MAGED1: variants seen among roughly 807,000 people sequenced by gnomAD.
MAGED1 encodes melanoma-associated antigen D1.
A neutral mutation model predicts 54.1 loss-of-function variants in MAGED1; 3 were observed. That is an observed-to-expected ratio of 0.06 (90% CI 0.03 to 0.14). The LOEUF is 0.14. Ranked by LOEUF, MAGED1 falls within the 10% of genes least tolerant of loss-of-function variation. MAGED1 has a pLI of 1.00. For missense variants in MAGED1, 485 were observed against 623.4 expected (o/e 0.78, Z 2.36); for synonymous variants, 217 against 227.3 (o/e 0.95, Z 0.41).
chrX:51,808,747 T>C (rs1925115332), intron 1 of MAGED1, among the ~76,000 whole-genome samples: 1 of 111,719 alleles, frequency 9.0e-6, no homozygotes, highest in Non-Finnish European at 1.9e-5. Flanking sequence ...ATGTATCCAT[T>C]CCCCAGCTTC....
At chrX:51,855,714 C>T (rs1444613019) in intron 1 of MAGED1, among the ~76,000 whole-genome samples, 2 of 111,128 alleles carry the variant, frequency 1.8e-5, no homozygotes, top group African/African-American at 6.6e-5. Context: ...TTAGTAGAGA[C>T]GGGTTTTCAC....
intron 1 of MAGED1, among the ~76,000 whole-genome samples, chrX:51,804,833 CT>C (rs781828902): frequency 1.1e-3 from 128 of 111,825 alleles, no homozygotes; most frequent in Non-Finnish European, 2.3e-3. Flanking sequence ...GAGCAGGAAC[CT>C]GAAGGAACTG....
chrX:51,901,067 CA>C (rs1929000379), intron 11 of MAGED1, among the ~76,000 whole-genome samples: 1 of 112,494 alleles, frequency 8.9e-6, no homozygotes, highest in South Asian at 3.7e-4. Context: ...ATATACTTGA[CA>C]TTTTTTTTGT....
intron 1 of MAGED1, among the ~76,000 whole-genome samples, chrX:51,850,330 A>C (rs1451512489): frequency 2.7e-5 from 3 of 112,279 alleles, no homozygotes; most frequent in African/African-American, 9.7e-5. Context: ...GTATTTGGAA[A>C]TTCCAACAGA....
chrX:51,857,869 G>A (rs1927144262), intron 1 of MAGED1: 1 of 112,226 alleles, frequency 8.9e-6, no homozygotes, highest in Admixed American at 9.5e-5. Flanking sequence ...CAGGATATCA[G>A]CCTTATTTGA....
At chrX:51,877,081 A>T (rs936552043) in intron 1 of MAGED1, among the ~76,000 whole-genome samples, 4 of 109,844 alleles carry the variant, frequency 3.6e-5, no homozygotes, top group Non-Finnish European at 5.7e-5. Flanking sequence ...CATCCTCAGC[A>T]TTTTTTTTAA....
At chrX:51,827,323 A>G (rs1925886663) in intron 1 of MAGED1, among the ~76,000 whole-genome samples, 1 of 111,965 alleles carries the variant, frequency 8.9e-6, no homozygotes, top group South Asian at 3.7e-4. Flanking sequence ...AGTATTTGAC[A>G]TTCTGGAAAA....
chrX:51,836,353 T>C (rs1193793664), intron 1 of MAGED1, among the ~76,000 whole-genome samples: 1 of 111,328 alleles, frequency 9.0e-6, no homozygotes, highest in Non-Finnish European at 1.9e-5. Flanking sequence ...GTGATAAAAC[T>C]ACATGGAAAC....
chrX:51,858,355 T>G (rs1403046972), intron 1 of MAGED1, among the ~76,000 whole-genome samples: 2 of 111,954 alleles, frequency 1.8e-5, no homozygotes, highest in African/African-American at 6.5e-5. Flanking sequence ...ATTAAGAAAT[T>G]CCTTCAGAAA....
intron 1 of MAGED1, among the ~76,000 whole-genome samples, chrX:51,825,377 G>A (rs782539765): frequency 3.6e-5 from 4 of 112,146 alleles, no homozygotes; most frequent in Admixed American, 9.5e-5. Flanking sequence ...TCACTTGGCC[G>A]TATTTGTGAT....
chrX:51,818,872 G>T (rs1557356285), intron 1 of MAGED1, among the ~76,000 whole-genome samples: 2 of 111,723 alleles, frequency 1.8e-5, no homozygotes, highest in East Asian at 5.7e-4. Context: ...CAAACATAAG[G>T]TCTCACCAAG....
chrX:51,814,480 C>T (rs1477122998), intron 1 of MAGED1, among the ~76,000 whole-genome samples: 1 of 111,522 alleles, frequency 9.0e-6, no homozygotes, highest in Admixed American at 9.5e-5. Context: ...TTGGGGAGGC[C>T]CCTTACAGTG....
chrX:51,857,660 G>A (rs1927135804), intron 1 of MAGED1: 1 of 112,183 alleles, frequency 8.9e-6, no homozygotes, highest in African/African-American at 3.2e-5. Context: ...TGTCATCAAA[G>A]ATAATCTTTT....
At chrX:51,873,142 G>A (rs896044759) in intron 1 of MAGED1, among the ~76,000 whole-genome samples, 1 of 111,466 alleles carries the variant, frequency 9.0e-6, no homozygotes, top group Admixed American at 9.5e-5. Flanking sequence ...TTACAATCTT[G>A]GTGGAAGGGG....
At chrX:51,828,052 C>T (rs1925920581) in intron 1 of MAGED1, among the ~76,000 whole-genome samples, 1 of 112,075 alleles carries the variant, frequency 8.9e-6, no homozygotes, top group African/African-American at 3.2e-5. Context: ...GCTATGTCTA[C>T]AAAATGCTTG....
At chrX:51,896,075 G>C in intron 3 of MAGED1, 1 of 379,218 alleles carries the variant, frequency 2.6e-6, no homozygotes. Flanking sequence ...CTCCTACCAG[G>C]TAGGGATCAT....
At chrX:51,899,115 A>G (rs1208974712) in intron 10 of MAGED1, 4 of 112,726 alleles carry the variant, frequency 3.5e-5, no homozygotes, top group African/African-American at 1.3e-4. Context: ...TTTATTGCAT[A>G]TACTCCTCAT....
intron 1 of MAGED1, among the ~76,000 whole-genome samples, chrX:51,849,280 G>A (rs1926802719): frequency 1.8e-5 from 2 of 111,109 alleles, no homozygotes; most frequent in African/African-American, 3.3e-5. Context: ...CCATTGGTTC[G>A]TTTGTCTATT....
At chrX:51,840,254 T>A (rs1340002022) in intron 1 of MAGED1, among the ~76,000 whole-genome samples, 4 of 111,124 alleles carry the variant, frequency 3.6e-5, no homozygotes, top group Non-Finnish European at 7.5e-5. Flanking sequence ...TGAGTTTTGT[T>A]ATTATTTAAA....
Sources: allele counts gnomAD v4.1 joint callset (sites outside exome capture counted in the v4.1 genomes callset), GRCh38; gene constraint gnomAD v4.1.1; transcripts MANE v1.5; gene names NCBI Gene and HGNC (gene_info 2026-07-23, HGNC 2026-07-21).